Variants in FANCD2 observed in about 807,000 individuals in gnomAD.
FANCD2 encodes the protein FA complementation group D2.
FANCD2 carries 131 observed loss-of-function variants against 192.3 expected under a neutral mutation model. The ratio of observed to expected loss-of-function variants is 0.68; its 90% CI spans 0.59 to 0.79. The LOEUF (loss-of-function observed/expected upper bound fraction) is 0.79, where lower values mean the gene tolerates loss of function less well. FANCD2 is among the 30% of genes least tolerant of loss of function. The pLI is 0.00. For missense variants in FANCD2, 1,508 were observed against 1,701.6 expected (o/e 0.89, Z 2.00); for synonymous variants, 524 against 612.5 (o/e 0.86, Z 2.13).
At chr3:10,042,515 A>G (rs773153096) in intron 10 of FANCD2, 44 bp from the exon 11 acceptor site, 2 of 1,356,230 alleles carry the variant, frequency 1.5e-6, no homozygotes, top group Non-Finnish European at 2.1e-6. Context: ...AAGTTGAGGT[A>G]GTGACATGAA....
At chr3:10,083,327 A>T (rs894195641) in intron 32 of FANCD2, among the ~76,000 whole-genome samples, 1 of 152,212 alleles carries the variant, frequency 6.6e-6, no homozygotes, top group Non-Finnish European at 1.5e-5. Flanking sequence ...ACATGAAAGG[A>T]TGTTTATTAC....
At chr3:10,039,509 ACTTCACC>A in intron 8 of FANCD2, 152 bp downstream of exon 8, 1 of 892,276 alleles carries the variant, frequency 1.1e-6, no homozygotes, top group Non-Finnish European at 1.7e-6. Flanking sequence ...AATCATAGAT[ACTTCACC>A]CTTTAAATTT....
Position 10,042,680 on chromosome 3 carries a change from C to A in FANCD2, c.888+17C>A. The A allele has an allele frequency of 6.3e-7, 1 of 1,592,968 alleles. No homozygotes were observed. Among genetic ancestry groups the A allele is most frequent in the South Asian group, 1.1e-5 (1 of 90,610 alleles). On this transcript the variant is annotated intron_variant, in intron 11 of 43. Coordinates refer to ENST00000675286, the MANE Select transcript of FANCD2 (RefSeq NM_001018115.3). ...ACACTTGAGGTATGCTCTTATATCC[C>A]ATCACACCTAGATAAAGCAACTTAA...
chr3:10,100,650 T>C (rs1014732666), intron 43 of FANCD2, among the ~76,000 whole-genome samples: 1 of 152,206 alleles, frequency 6.6e-6, no homozygotes, highest in African/African-American at 2.4e-5. Flanking sequence ...GGGATTACTT[T>C]GGCGTGAGCC....
At chr3:10,035,687 C>T (rs1328942783) in intron 6 of FANCD2, among the ~76,000 whole-genome samples, 1 of 152,106 alleles carries the variant, frequency 6.6e-6, no homozygotes, top group East Asian at 1.9e-4. Context: ...TTCCCTCCAC[C>T]CCATTCTCCA....
chr3:10,027,526 A>C lies in FANCD2; in HGVS notation c.-34+1053A>C, dbSNP rs575183284. 2.6e-5 allele frequency among the ~76,000 whole-genome samples: 4 copies of C among 152,286 alleles called. No individual in the cohort carries two copies. The South Asian group carries it at 8.3e-4, about 32-fold the overall frequency. On this transcript the variant is annotated intron_variant, in intron 1 of 43. Coordinates refer to ENST00000675286, the MANE Select transcript of FANCD2 (RefSeq NM_001018115.3). ...TAACTCCACATCTCCTTGTTTCAGT[A>C]TGAGTATCTATTTGCCTGGACTCCT...
rs1413890868 is a variant in FANCD2 at position 10,037,843 on chromosome 3, AAGT to A, written c.492-1432_492-1430del. 2.2e-4 allele frequency among the ~76,000 whole-genome samples: 33 copies of A among 152,342 alleles called. No individual in the cohort carries two copies. The South Asian group carries it at 3.1e-3, about 14-fold the overall frequency. ...CAAAAGTAATTGCAGTTTTTGCAATAAGTAGTTCAGTATTTTGTTTAAAAAAGA... is the reference window on the plus strand; with the variant it reads ...CAAAAGTAATTGCAGTTTTTGCAATAAGTTCAGTATTTTGTTTAAAAAAGA... On this transcript the variant is annotated intron_variant, in intron 7 of 43. Coordinates refer to ENST00000675286, the MANE Select transcript of FANCD2 (RefSeq NM_001018115.3).
intron 16 of FANCD2, among the ~76,000 whole-genome samples, chr3:10,048,931 C>A (rs535434932): frequency 6.6e-6 from 1 of 152,356 alleles, no homozygotes; most frequent in Non-Finnish European, 1.5e-5. Context: ...GTCTTAGAGA[C>A]ACTGTCATAA....
intron 26 of FANCD2, among the ~76,000 whole-genome samples, chr3:10,068,373 C>T (rs901193123): frequency 2.0e-5 from 3 of 151,642 alleles, no homozygotes; most frequent in African/African-American, 7.3e-5. Flanking sequence ...GAAAGTAATC[C>T]ATTTACAATA....
At chr3:10,045,237 C>T (rs2086971338) in intron 14 of FANCD2, among the ~76,000 whole-genome samples, 1 of 152,036 alleles carries the variant, frequency 6.6e-6, no homozygotes, top group East Asian at 1.9e-4. Context: ...GGCGTGATCT[C>T]GGCTCACTGC....
At chr3:10,055,796 A>G (rs1575776389) in intron 18 of FANCD2, among the ~76,000 whole-genome samples, 1 of 152,016 alleles carries the variant, frequency 6.6e-6, no homozygotes, top group East Asian at 1.9e-4. Flanking sequence ...TGGGAGACAG[A>G]GCGAGACTCT....
At chr3:10,031,418 C>T (rs1427656614) in intron 2 of FANCD2, among the ~76,000 whole-genome samples, 2 of 150,996 alleles carry the variant, frequency 1.3e-5, no homozygotes, top group South Asian at 2.1e-4. Flanking sequence ...AGGAGAATGG[C>T]ATGAACCCGG....
At chr3:10,094,018 A>G (rs749628499) in intron 39 of FANCD2, among the ~76,000 whole-genome samples, 4 of 152,272 alleles carry the variant, frequency 2.6e-5, no homozygotes, top group Admixed American at 6.5e-5. Context: ...CCTCTACTCT[A>G]TGCTCTCACT....
intron 32 of FANCD2, among the ~76,000 whole-genome samples, chr3:10,085,393 TC>T: frequency 6.7e-6 from 1 of 150,316 alleles, no homozygotes; most frequent in East Asian, 1.9e-4. Context: ...CTTTTTTCTT[TC>T]TTTTTTTTTT....
intron 26 of FANCD2, among the ~76,000 whole-genome samples, 157 bp from the exon 27 acceptor site, chr3:10,072,714 C>T (rs1296751260): frequency 2.6e-5 from 4 of 152,110 alleles, no homozygotes; most frequent in Non-Finnish European, 5.9e-5. Context: ...TTTGCTATGC[C>T]AAAACAATGT....
chr3:10,080,314 A>G (rs921703689), intron 30 of FANCD2, among the ~76,000 whole-genome samples: 3 of 151,908 alleles, frequency 2.0e-5, no homozygotes, highest in Non-Finnish European at 4.4e-5. Context: ...GCTCACTGCA[A>G]CCTCCACCTC....
At chr3:10,100,163 G>A (rs980325898) in intron 43 of FANCD2, among the ~76,000 whole-genome samples, 2 of 152,214 alleles carry the variant, frequency 1.3e-5, no homozygotes, top group Non-Finnish European at 2.9e-5. Flanking sequence ...CTGGATGACA[G>A]AGCGAGACCC....
chr3:10,065,623 G>A, intron 24 of FANCD2, 129 bp downstream of exon 24: 1 of 760,512 alleles, frequency 1.3e-6, no homozygotes, highest in Non-Finnish European at 2.4e-6. Flanking sequence ...GTTTATCATT[G>A]GAATTCCAAA....
Position 10,069,856 on chromosome 3 carries a change from G to A in FANCD2, c.2494+2539G>A, listed in dbSNP as rs1422242512. Among the ~76,000 whole-genome samples the A allele has an allele frequency of 1.2e-3, 187 of 152,202 alleles. 1 individual carries two copies. The highest frequency in any genetic ancestry group is 2.1e-3 in the Non-Finnish European group (140 of 67,992). On this transcript the variant is annotated intron_variant, in intron 26 of 43. Transcript: ENST00000675286. ...ACCTGCCTTGGCCTCCCAAAGTGCC[G>A]AGATTGCAGCCTCTGCCCGGCCGCC...
Sources: gnomAD v4.1 joint callset for allele counts (sites outside exome capture counted in the v4.1 genomes callset) on GRCh38, gnomAD v4.1.1 for gene constraint, MANE v1.5 for transcripts, NCBI Gene and HGNC (gene_info 2026-07-23, HGNC 2026-07-21) for gene names.